The following GPC5 variants were observed in gnomAD, a reference collection of about 807,000 sequenced individuals.
GPC5 encodes glypican 5.
Under a neutral mutation model 53.9 loss-of-function variants are expected in GPC5, and 47 were observed. The ratio of observed to expected loss-of-function variants is 0.87; its 90% CI spans 0.69 to 1.11. The LOEUF (loss-of-function observed/expected upper bound fraction) is 1.11, where lower values mean the gene tolerates loss of function less well. Among genes scored for constraint, GPC5 ranks in the 50% most tolerant of loss-of-function variants. The pLI is 0.00. For synonymous variants in GPC5, 286 were observed against 263.3 expected (o/e 1.09, Z -0.84); for missense variants, 748 against 713.1 (o/e 1.05, Z -0.56).
At chr13:92,416,699 C>G (rs541355168) in intron 7 of GPC5, among the ~76,000 whole-genome samples, 7 of 151,938 alleles carry the variant, frequency 4.6e-5, no homozygotes, top group African/African-American at 1.4e-4. Flanking sequence ...AGCACAAGTT[C>G]CAAAATGAAA....
intron 7 of GPC5, among the ~76,000 whole-genome samples, chr13:92,741,721 T>C (rs1437424638): frequency 2.0e-5 from 3 of 152,114 alleles, no homozygotes; most frequent in Non-Finnish European, 4.4e-5. Flanking sequence ...TATCTCCTAA[T>C]GCTATCCCTC....
chr13:92,816,251 G>A (rs1877470061), intron 7 of GPC5, among the ~76,000 whole-genome samples: 1 of 152,048 alleles, frequency 6.6e-6, no homozygotes, highest in African/African-American at 2.4e-5. Flanking sequence ...ACAATTAGAA[G>A]GGCTATTGGA....
intron 7 of GPC5, among the ~76,000 whole-genome samples, chr13:92,303,358 A>G (rs2043088472): frequency 6.6e-6 from 1 of 152,206 alleles, no homozygotes; most frequent in African/African-American, 2.4e-5. Flanking sequence ...TTAGAAGTTA[A>G]AAGCAAGTGA....
At chr13:92,736,930 CTAAA>C (rs1888952051) in intron 7 of GPC5, among the ~76,000 whole-genome samples, 1 of 151,832 alleles carries the variant, frequency 6.6e-6, no homozygotes, top group Non-Finnish European at 1.5e-5. Context: ...ATGTTTTTCT[CTAAA>C]TAGTCAGTTG....
chr13:91,622,879 G>A (rs557245409), intron 2 of GPC5, among the ~76,000 whole-genome samples: 2 of 152,110 alleles, frequency 1.3e-5, no homozygotes, highest in South Asian at 4.1e-4. Context: ...TAGAATAAAG[G>A]TATTGCAGAT....
In GPC5 at chr13:91,432,512, C is replaced by T. The variant is rs13378856; in HGVS notation, c.164-16249C>T. Among the ~76,000 whole-genome samples the T allele has an allele frequency of 7.5e-3, 1,135 of 152,118 alleles. 20 individuals carry two copies. The South Asian group carries it at 0.08, about 11-fold the overall frequency. ...CAATCTGTTGAAGGATCAGTGATACCATTTATGTATATGAGGGGCAGTATT... is the reference window on the plus strand; with the variant it reads ...CAATCTGTTGAAGGATCAGTGATACTATTTATGTATATGAGGGGCAGTATT... On this transcript the variant is annotated intron_variant, in intron 1 of 7. Transcript: ENST00000377067.
intron 7 of GPC5, among the ~76,000 whole-genome samples, chr13:92,850,375 G>T (rs188705991): frequency 7.2e-5 from 11 of 152,240 alleles, no homozygotes; most frequent in South Asian, 2.1e-4. Flanking sequence ...CAAGGCAGGC[G>T]AATGACTTGA....
At chr13:91,592,124 T>C (rs2032821358) in intron 2 of GPC5, among the ~76,000 whole-genome samples, 2 of 152,198 alleles carry the variant, frequency 1.3e-5, no homozygotes, top group Admixed American at 1.3e-4. Flanking sequence ...TTCTAGATGT[T>C]TTTAGATGGC....
At chr13:92,201,986 GCTATCACCAA>G (rs2042298412) in intron 7 of GPC5, among the ~76,000 whole-genome samples, 1 of 152,154 alleles carries the variant, frequency 6.6e-6, no homozygotes, top group Non-Finnish European at 1.5e-5. Flanking sequence ...AATCCTTGGT[GCTATCACCAA>G]CTAATTGTGC....
At chr13:91,480,781 T>G (rs977739631) in intron 2 of GPC5, among the ~76,000 whole-genome samples, 1 of 152,178 alleles carries the variant, frequency 6.6e-6, no homozygotes, top group African/African-American at 2.4e-5. Context: ...ATACCCTTAT[T>G]CTTTTGAGTT....
At chr13:91,739,136 C>A (rs887727345) in intron 4 of GPC5, among the ~76,000 whole-genome samples, 1 of 151,458 alleles carries the variant, frequency 6.6e-6, no homozygotes, top group East Asian at 1.9e-4. Context: ...TCTAAGCCAT[C>A]GTTAAGTTCA....
intron 6 of GPC5, among the ~76,000 whole-genome samples, chr13:91,926,251 C>T (rs1334972375): frequency 1.3e-5 from 2 of 151,240 alleles, no homozygotes; most frequent in Non-Finnish European, 2.9e-5. Flanking sequence ...GTCCCAGCTA[C>T]TCGGGAGGCT....
intron 2 of GPC5, among the ~76,000 whole-genome samples, chr13:91,622,777 A>C (rs561717827): frequency 1.3e-5 from 2 of 152,276 alleles, no homozygotes; most frequent in South Asian, 4.1e-4. Flanking sequence ...GAAAGATTGA[A>C]AGACAGCTAT....
chr13:91,942,559 G>C (rs987538244), intron 6 of GPC5, among the ~76,000 whole-genome samples: 16 of 151,862 alleles, frequency 1.1e-4, no homozygotes, highest in African/African-American at 3.1e-4. Flanking sequence ...TAAAAACTCA[G>C]CTCATTTTTA....
chr13:92,852,559 G>A (rs1878852181), intron 7 of GPC5, among the ~76,000 whole-genome samples: 1 of 152,140 alleles, frequency 6.6e-6, no homozygotes, highest in Non-Finnish European at 1.5e-5. Context: ...TTCCTTCCAG[G>A]TGGAAGCTTT....
rs561497153 is a variant in GPC5 at position 91,849,011 on chromosome 13, G to A, written c.1281-58926G>A. On this transcript the variant is annotated intron_variant, in intron 5 of 7. Coordinates refer to ENST00000377067, the MANE Select transcript of GPC5 (RefSeq NM_004466.6). Reference sequence around the variant, plus strand: ...TGTGAACTATTTTTTAGAGGTGAGAGGGCAGATCGACAACTGCCGTGGAAA... The same window carrying A: ...TGTGAACTATTTTTTAGAGGTGAGAAGGCAGATCGACAACTGCCGTGGAAA... 5.3e-5 allele frequency among the ~76,000 whole-genome samples: 8 copies of A among 152,248 alleles called. No individual in the cohort carries two copies. The East Asian group carries it at 9.7e-4, about 18-fold the overall frequency.
chr13:92,334,454 C>T (rs1331465149), intron 7 of GPC5, among the ~76,000 whole-genome samples: 3 of 152,178 alleles, frequency 2.0e-5, no homozygotes, highest in Non-Finnish European at 4.4e-5. Flanking sequence ...TGGCTGGGGA[C>T]AGAGCCAAAC....
intron 7 of GPC5, among the ~76,000 whole-genome samples, chr13:92,804,008 G>A (rs530428482): frequency 3.3e-5 from 5 of 152,106 alleles, no homozygotes; most frequent in East Asian, 3.9e-4. Flanking sequence ...GATGACTGGC[G>A]TAAAACTCAG....
At chr13:91,954,331 C>A (rs964373736) in intron 6 of GPC5, among the ~76,000 whole-genome samples, 3 of 152,058 alleles carry the variant, frequency 2.0e-5, no homozygotes, top group South Asian at 2.1e-4. Context: ...TACTTCAGAT[C>A]CTAAACAAAA....
Sources: gnomAD v4.1 joint callset for allele counts (sites outside exome capture counted in the v4.1 genomes callset) on GRCh38, gnomAD v4.1.1 for gene constraint, MANE v1.5 for transcripts, NCBI Gene and HGNC (gene_info 2026-07-23, HGNC 2026-07-21) for gene names.